The following SCYL1 variants were observed in gnomAD, a reference collection of about 807,000 sequenced individuals.
SCYL1 encodes N-terminal kinase-like protein.
In SCYL1, 85 loss-of-function variants were observed where a neutral mutation model predicts 94.8. The ratio of observed to expected loss-of-function variants is 0.90; its 90% CI spans 0.75 to 1.07. The LOEUF is 1.07. SCYL1 is among the 50% of genes least tolerant of loss of function. The probability of loss-of-function intolerance (pLI) is 0.00; values close to 1 mark genes in which losing one functional copy is unlikely to be tolerated. For missense variants in SCYL1, 968 were observed against 1,083.3 expected, an observed-to-expected ratio of 0.89 and a Z score of 1.49; for synonymous variants, 459 against 435.5, an observed-to-expected ratio of 1.05 and a Z score of -0.67.
intron 9 of SCYL1, 150 bp from the exon 10 acceptor site, chr11:65,535,077 A>G (rs1855568319): frequency 1.1e-6 from 1 of 941,524 alleles, no homozygotes. Flanking sequence ...CCCTTTCTTC[A>G]ACATGCTGGA....
chr11:65,536,442 T>C (rs2135088892), intron 12 of SCYL1, 108 bp downstream of exon 12: 1 of 1,414,652 alleles, frequency 7.1e-7, no homozygotes, highest in South Asian at 1.2e-5. Flanking sequence ...TGAGCAGACT[T>C]GACTCAGCTC....
rs201108435 is a variant in SCYL1 at position 65,530,674 on chromosome 11, A to G, written c.895A>G (p.Lys299Glu). Reference protein sequence around the residue: ...EKQKFFQELSKSLDAFPEDFC... With the variant: ...EKQKFFQELSESLDAFPEDFC... Reference sequence around the variant, plus strand: ...GCAAAAATTCTTCCAGGAGCTGAGCAAGAGCCTGGACGCATTCCCTGAGGA... The same window carrying G: ...GCAAAAATTCTTCCAGGAGCTGAGCGAGAGCCTGGACGCATTCCCTGAGGA... Residue 299 changes from lysine to glutamate, a missense_variant, in exon 7 of 18, where the codon AAG (lysine) becomes GAG (glutamate). Lys to Glu is a moderately conservative substitution (Grantham distance 56). Transcript: ENST00000270176. The G allele has an allele frequency of 7.0e-4, 1,129 of 1,613,954 alleles. No homozygotes were observed. The highest frequency in any genetic ancestry group is 9.0e-4 in the Non-Finnish European group (1,064 of 1,179,990).
chr11:65,530,626 C>A lies in SCYL1; in HGVS notation c.850-3C>A, dbSNP rs1216234550. 1.9e-6 allele frequency: 3 copies of A among 1,612,012 alleles called. No homozygotes were observed. The highest frequency in any genetic ancestry group is 1.3e-5 in the African/African-American group (1 of 74,994). ...TCCCCGGGTCCCGTCCTCACTCCCC[C>A]AGATCAAAGAGCCAGCCGAGAAGCA... On this transcript the variant is annotated splice_polypyrimidine_tract_variant and splice_region_variant and intron_variant, in intron 6 of 17. Coordinates refer to ENST00000270176, the MANE Select transcript of SCYL1 (RefSeq NM_020680.4).
Position 65,535,388 on chromosome 11 carries a change from T to C in SCYL1, c.1386+6T>C, listed in dbSNP as rs768381720. Reference sequence around the variant, plus strand: ...GCTCCTACCTCAGTGCTAGCGTGAGTGTCCTGCACAACTGCTGGAGCCCGG... The same window carrying C: ...GCTCCTACCTCAGTGCTAGCGTGAGCGTCCTGCACAACTGCTGGAGCCCGG... On this transcript the variant is annotated splice_donor_region_variant and intron_variant, in intron 10 of 17. Transcript: ENST00000270176. The C allele has an allele frequency of 3.1e-6, 5 of 1,612,698 alleles. No homozygotes were observed. The highest frequency in any genetic ancestry group is 3.3e-5 in the Admixed American group (2 of 60,000).
At chr11:65,535,556 A>G (rs528087241) in intron 10 of SCYL1, 174 bp downstream of exon 10, 23 of 753,962 alleles carry the variant, frequency 3.1e-5, no homozygotes, top group Non-Finnish European at 4.8e-5. Context: ...GAAGTCACAC[A>G]GTCAGGAGGG....
At chr11:65,529,336 C>T (rs1378283122) in intron 6 of SCYL1, among the ~76,000 whole-genome samples, 1 of 152,226 alleles carries the variant, frequency 6.6e-6, no homozygotes, top group East Asian at 1.9e-4. Context: ...CTGGCTCTGC[C>T]AAGCTACCCT....
At chr11:65,531,537 T>C (rs999332622) in intron 7 of SCYL1, 39 bp from the exon 8 acceptor site, 1 of 1,501,592 alleles carries the variant, frequency 6.7e-7, no homozygotes, top group African/African-American at 1.4e-5. Context: ...AGTCAGCCCA[T>C]TCCTGTGAGC....
In SCYL1 at chr11:65,530,009, G is replaced by A. The variant is rs188509385; in HGVS notation, c.850-620G>A. 2.0e-5 allele frequency among the ~76,000 whole-genome samples: 3 copies of A among 152,232 alleles called. No individual in the cohort carries two copies. The East Asian group carries it at 5.8e-4, about 29-fold the overall frequency. Reference sequence around the variant, plus strand: ...TCTGTGCTCCAGAAATATGAATTGGGGGTATTATGGCCTCAAAGGGGGGTT... The same window carrying A: ...TCTGTGCTCCAGAAATATGAATTGGAGGTATTATGGCCTCAAAGGGGGGTT... On this transcript the variant is annotated intron_variant, in intron 6 of 17. Transcript: ENST00000270176.
intron 17 of SCYL1, 53 bp downstream of exon 17, chr11:65,538,377 C>T (rs1855828549): frequency 6.5e-7 from 1 of 1,539,192 alleles, no homozygotes; most frequent in South Asian, 1.2e-5. Context: ...ACTAGCCCGC[C>T]CCTACAGGCC....
chr11:65,526,110 C>G lies in SCYL1; in HGVS notation c.376-14C>G. 6.2e-7 allele frequency: 1 copy of G among 1,612,664 alleles called. No individual in the cohort carries two copies. Among genetic ancestry groups the G allele is most frequent in the Non-Finnish European group, 8.5e-7 (1 of 1,179,684 alleles). On this transcript the variant is annotated splice_polypyrimidine_tract_variant and intron_variant, in intron 3 of 17. Transcript: ENST00000270176. The surrounding 1 kb of genome is among the most constrained non-coding windows in gnomAD (Gnocchi z 4.1). ...TTGCAGGTGCTGGGGCGTGATGGCT[C>G]CTTTTGCCCCCAGAAAGCCCTCAGC...
At chr11:65,536,887 C>T in intron 13 of SCYL1, 99 bp from the exon 14 acceptor site, 1 of 1,287,624 alleles carries the variant, frequency 7.8e-7, no homozygotes, top group Admixed American at 1.8e-5. Context: ...ACCCTGTGGG[C>T]TTCCTTGGTG....
chr11:65,531,635 G>T lies in SCYL1; in HGVS notation c.1068G>T (p.Lys356Asn). The T allele has an allele frequency of 1.2e-6, 2 of 1,614,112 alleles. No individual in the cohort carries two copies. Among genetic ancestry groups the T allele is most frequent in the Non-Finnish European group, 1.7e-6 (2 of 1,180,000 alleles). ...AGAAGATCATCCCTGTGGTGGTCAA[G>T]ATGTTCTCATCCACTGACCGGGCCA... is the stretch of plus-strand genomic sequence containing the variant. ...YQQKIIPVVV[K>N]MFSSTDRAMR... Residue 356 changes from lysine to asparagine, a missense_variant, in exon 8 of 18, where the codon AAG becomes AAT. Lys to Asn is a moderately conservative substitution (Grantham distance 94). Coordinates refer to ENST00000270176, the MANE Select transcript of SCYL1 (RefSeq NM_020680.4).
In SCYL1 at chr11:65,525,665, T is replaced by A; in HGVS notation, c.203T>A (p.Phe68Tyr). 1 of 1,612,724 alleles carries A rather than the reference T, an allele frequency of 6.2e-7. No individual in the cohort carries two copies. The highest frequency in any genetic ancestry group is 8.5e-7 in the Non-Finnish European group (1 of 1,179,928). The change falls in exon 2 of 18, where the codon TTC becomes TAC. Residue 68 changes from phenylalanine to tyrosine, a missense_variant. Around this residue, in one of 2 missense-constraint regions of SCYL1, gnomAD observed 494 missense variants for 619.7 expected, o/e 0.80. Transcript: ENST00000270176. The stretch of plus-strand genomic sequence containing the variant: ...GTGGCCAAAGCTGCCTTCAAGCGCT[T>A]CAAAACTCTACGGCACCCCAACATC... The part of the protein sequence containing the change: ...TQVAKAAFKR[F>Y]KTLRHPNILA...
Position 65,526,142 on chromosome 11 carries a change from G to A in SCYL1, c.394G>A (p.Val132Ile). The change falls in exon 4 of 18, where the codon GTC (valine) becomes ATC (isoleucine). Residue 132 changes from valine (V) to isoleucine (I), a missense_variant. Physicochemically the swap from Val to Ile is conservative, Grantham distance 29. This residue lies in a region of SCYL1 where 494 missense variants were observed against 619.7 expected (regional missense o/e 0.80). Transcript: ENST00000270176. This position sits in a 1 kb window ranked among gnomAD's most constrained non-coding sequence, Gnocchi z 4.1. ...CCCCCAGAAAGCCCTCAGCTTCCTG[G>A]TCAACGACTGCAGCCTCATCCACAA... ...HQIVKALSFL[V>I]NDCSLIHNNV... 3.1e-6 allele frequency: 5 copies of A among 1,613,160 alleles called. No individual in the cohort carries two copies. The highest frequency in any genetic ancestry group is 3.4e-6 in the Non-Finnish European group (4 of 1,179,950).
At chr11:65,535,512 A>G (rs1279939455) in intron 10 of SCYL1, 130 bp downstream of exon 10, 3 of 1,204,186 alleles carry the variant, frequency 2.5e-6, no homozygotes, top group East Asian at 2.5e-5. Flanking sequence ...TGTTGGCCCC[A>G]TATCTGGGTT....
At position 65,537,063 on chromosome 11, in the gene SCYL1, AAGGACACAGCAG is replaced by A; in HGVS notation, c.1901_1912del (p.Thr634_Asp637del). 6.2e-7 allele frequency: 1 copy of A among 1,613,614 alleles called. No individual in the cohort carries two copies. The highest frequency in any genetic ancestry group is 8.5e-7 in the Non-Finnish European group (1 of 1,179,760). On this transcript the variant is annotated inframe_deletion, in exon 14 of 18. Transcript: ENST00000270176. ...CCACTGGGAGACGCAGGAGGAGGACAAGGACACAGCAGAGGACAGCAGCACTGCTGACAGATG... is the reference window on the plus strand; with the variant it reads ...CCACTGGGAGACGCAGGAGGAGGACAAGGACAGCAGCACTGCTGACAGATG...
At chr11:65,533,968 A>G (rs1428482276) in intron 9 of SCYL1, among the ~76,000 whole-genome samples, 2 of 152,024 alleles carry the variant, frequency 1.3e-5, no homozygotes, top group Admixed American at 6.6e-5. Context: ...GGTTGCTCAC[A>G]CCTGTAATCC....
chr11:65,525,354 G>A, intron 1 of SCYL1, 90 bp downstream of exon 1: 1 of 1,144,766 alleles, frequency 8.7e-7, no homozygotes. Context: ...CCGGCCTGAC[G>A]TGGCGGCGGA....
rs745845011 is a variant in SCYL1 at position 65,530,768 on chromosome 11, T to C, written c.989T>C (p.Val330Ala). 1 of 1,612,894 alleles carries C rather than the reference T, an allele frequency of 6.2e-7. No individual in the cohort carries two copies. The highest frequency in any genetic ancestry group is 2.2e-5 in the East Asian group (1 of 44,870). The change falls in exon 7 of 18, where the codon GTC (valine) becomes GCC (alanine). Residue 330 changes from valine (V) to alanine (A), a missense_variant. Transcript: ENST00000270176. Reference protein sequence around the residue: ...AFEFGNAGAVVLTPLFKVGKF... With the variant: ...AFEFGNAGAVALTPLFKVGKF... The stretch of plus-strand genomic sequence containing the variant: ...GAGTTCGGCAATGCTGGGGCCGTTG[T>C]CCTCACGCCCCTCTTCAAGGTGAGT...
Sources: gnomAD v4.1 joint callset for allele counts (sites outside exome capture counted in the v4.1 genomes callset) on GRCh38, gnomAD v4.1.1 for gene constraint, gnomAD v4.1.1 regional missense constraint, Gnocchi (gnomAD v3.1) non-coding constraint, MANE v1.5 for transcripts, NCBI Gene and HGNC (gene_info 2026-07-23, HGNC 2026-07-21) for gene names.